TPP2: variants seen among roughly 807,000 people sequenced by gnomAD.
TPP2 encodes tripeptidyl peptidase 2.
Under a neutral mutation model 155.9 loss-of-function variants are expected in TPP2, and 34 were observed. The ratio of observed to expected loss-of-function variants is 0.22; its 90% CI spans 0.17 to 0.29. The LOEUF is 0.29. Ranked by LOEUF, TPP2 falls within the 10% of genes least tolerant of loss-of-function variation. The probability of loss-of-function intolerance (pLI) is 1.00; values close to 1 mark genes in which losing one functional copy is unlikely to be tolerated. For missense variants in TPP2, 1,028 were observed against 1,522.3 expected (o/e 0.68, Z 5.40); for synonymous variants, 510 against 529.4 (o/e 0.96, Z 0.50).
intron 27 of TPP2, among the ~76,000 whole-genome samples, chr13:102,673,164 G>A (rs903467758): frequency 2.6e-5 from 4 of 152,130 alleles, no homozygotes; most frequent in African/African-American, 4.8e-5. Context: ...CCTGCCATGC[G>A]GCCTCTTAGA....
intron 27 of TPP2, among the ~76,000 whole-genome samples, chr13:102,666,712 C>T (rs1884617206): frequency 6.8e-6 from 1 of 147,214 alleles, no homozygotes; most frequent in Non-Finnish European, 1.5e-5. Context: ...GAGCCATAAA[C>T]TAATACGATA....
At chr13:102,666,745 C>CGTTT (rs1566371144) in intron 27 of TPP2, among the ~76,000 whole-genome samples, 1 of 127,952 alleles carries the variant, frequency 7.8e-6, no homozygotes, top group East Asian at 2.3e-4. Flanking sequence ...TCTTATTGGT[C>CGTTT]TTTATCACTG....
chr13:102,629,985 T>C, intron 9 of TPP2, 111 bp from the exon 10 acceptor site: 1 of 831,572 alleles, frequency 1.2e-6, no homozygotes, highest in Non-Finnish European at 1.9e-6. Flanking sequence ...TCCATCGTAT[T>C]AGAGAGAGGA....
chr13:102,613,242 A>G lies in TPP2; in HGVS notation c.295-859A>G, dbSNP rs74753753. ...GCTCTGTGAATGATTGTTTTCCTCT[A>G]TTTAGTTGTGAGGAAATTTCATCCA... On this transcript the variant is annotated intron_variant, in intron 2 of 29. Coordinates refer to ENST00000376052, the MANE Select transcript of TPP2 (RefSeq NM_001330588.2). Among the ~76,000 whole-genome samples the G allele has an allele frequency of 6.9e-4, 105 of 152,260 alleles. 2 individuals carry two copies. The East Asian group carries it at 0.018, about 25-fold the overall frequency.
At chr13:102,648,418 C>T (rs1883267672) in intron 21 of TPP2, among the ~76,000 whole-genome samples, 1 of 144,772 alleles carries the variant, frequency 6.9e-6, no homozygotes, top group African/African-American at 2.6e-5. Context: ...TACCAGTAGT[C>T]ATAAGTTACA....
rs555434935 is a variant in TPP2 at position 102,644,897 on chromosome 13, A to T, written c.2293-12A>T. The T allele has an allele frequency of 6.2e-7, 1 of 1,609,570 alleles. No homozygotes were observed. The highest frequency in any genetic ancestry group is 1.3e-5 in the African/African-American group (1 of 74,796). On this transcript the variant is annotated splice_polypyrimidine_tract_variant and intron_variant, in intron 18 of 29. Transcript: ENST00000376052. Reference sequence around the variant, plus strand: ...TAAAGTTTGAGAAAGTAATTTGAGAAATCCTTTGTAGCATGCATCGGAAGG... The same window carrying T: ...TAAAGTTTGAGAAAGTAATTTGAGATATCCTTTGTAGCATGCATCGGAAGG...
chr13:102,661,320 A>T (rs2139583400), intron 25 of TPP2, among the ~76,000 whole-genome samples: 1 of 145,170 alleles, frequency 6.9e-6, no homozygotes, highest in South Asian at 2.2e-4. Context: ...GCACGATCAT[A>T]GCTCACTGCA....
At chr13:102,635,125 A>T (rs1264750700) in intron 11 of TPP2, among the ~76,000 whole-genome samples, 2 of 143,944 alleles carry the variant, frequency 1.4e-5, no homozygotes, top group African/African-American at 4.9e-5. Context: ...TTAATAAATA[A>T]CAATCTCTGG....
intron 24 of TPP2, among the ~76,000 whole-genome samples, chr13:102,653,676 A>G (rs138067567): frequency 2.0e-5 from 3 of 152,356 alleles, no homozygotes; most frequent in East Asian, 3.9e-4. Flanking sequence ...AATTACAGAC[A>G]TGAGCCACTG....
rs1012571166 is a variant in TPP2, at chr13:102,641,772, C to T, written c.2020+1396C>T. Among the ~76,000 whole-genome samples, 11 of 152,278 alleles carry T rather than the reference C, an allele frequency of 7.2e-5. No individual in the cohort carries two copies. In the East Asian group the frequency reaches 1.9e-3, roughly 27 times the overall value. ...ACCCAATATAGCCTGTTAATTTGCACACTGGTTTATAATGGAGCTATTGCA... is the reference window on the plus strand; with the variant it reads ...ACCCAATATAGCCTGTTAATTTGCATACTGGTTTATAATGGAGCTATTGCA... On this transcript the variant is annotated intron_variant, in intron 16 of 29. Coordinates refer to ENST00000376052, the MANE Select transcript of TPP2 (RefSeq NM_001330588.2).
At chr13:102,640,969 A>C (rs1248052827) in intron 16 of TPP2, among the ~76,000 whole-genome samples, 1 of 152,122 alleles carries the variant, frequency 6.6e-6, no homozygotes, top group South Asian at 2.1e-4. Flanking sequence ...AAATACTACA[A>C]ATCAGTTTAA....
intron 29 of TPP2, 94 bp from the exon 30 acceptor site, chr13:102,678,133 T>C: frequency 8.1e-7 from 1 of 1,230,140 alleles, no homozygotes; most frequent in South Asian, 1.5e-5. Flanking sequence ...GCTACTACCT[T>C]ACTGTTACTA....
At chr13:102,667,732 A>G (rs1351952548) in intron 27 of TPP2, 1 of 985,348 alleles carries the variant, frequency 1.0e-6, no homozygotes, top group Non-Finnish European at 1.2e-6. Flanking sequence ...GGTCTGACAA[A>G]TGCAGATTAC....
intron 25 of TPP2, among the ~76,000 whole-genome samples, chr13:102,663,021 TTAAA>T (rs981351870): frequency 3.2e-4 from 49 of 152,086 alleles, no homozygotes; most frequent in African/African-American, 9.4e-4. Context: ...TTTCTTCCTT[TTAAA>T]TAAATATAAT....
chr13:102,636,111 AT>A (rs1882361132), intron 12 of TPP2, 112 bp from the exon 13 acceptor site: 2 of 1,072,046 alleles, frequency 1.9e-6, no homozygotes, highest in Non-Finnish European at 2.6e-6. Flanking sequence ...TGAGAGGTGA[AT>A]ATAGACACTA....
intron 22 of TPP2, 100 bp from the exon 23 acceptor site, chr13:102,649,308 A>G: frequency 1.4e-6 from 2 of 1,451,018 alleles, no homozygotes; most frequent in Middle Eastern, 1.8e-4. Context: ...AGCTATGGGA[A>G]TGAATTCAGT....
intron 1 of TPP2, 42 bp downstream of exon 1, chr13:102,597,245 G>T (rs1466419861): frequency 2.5e-6 from 3 of 1,188,698 alleles, no homozygotes; most frequent in Non-Finnish European, 2.2e-6. Flanking sequence ...GGCGCGGGCG[G>T]CCGGGGACGC....
At chr13:102,633,735 T>A (rs1168505948) in intron 10 of TPP2, among the ~76,000 whole-genome samples, 1 of 152,212 alleles carries the variant, frequency 6.6e-6, no homozygotes, top group Admixed American at 6.5e-5. Flanking sequence ...TTCTGTACAC[T>A]TACAAGGAAA....
Position 102,657,041 on chromosome 13 carries a change from T to C in TPP2, c.2992-15T>C. ...TTAAGCATATTAATCTAAGAATCTC[T>C]CTCCACATTCGTAGGATGTAATCCC... On this transcript the variant is annotated splice_polypyrimidine_tract_variant and intron_variant, in intron 24 of 29. Coordinates refer to ENST00000376052, the MANE Select transcript of TPP2 (RefSeq NM_001330588.2). 6.3e-7 allele frequency: 1 copy of C among 1,576,604 alleles called. No homozygotes were observed. The highest frequency in any genetic ancestry group is 1.2e-5 in the South Asian group (1 of 83,186).
Sources: allele counts gnomAD v4.1 joint callset (sites outside exome capture counted in the v4.1 genomes callset), GRCh38; gene constraint gnomAD v4.1.1; transcripts MANE v1.5; gene names NCBI Gene and HGNC (gene_info 2026-07-23, HGNC 2026-07-21).